Variants in CDKAL1 observed in about 807,000 individuals in gnomAD.
The protein encoded by CDKAL1 is threonylcarbamoyladenosine tRNA methylthiotransferase.
CDKAL1 carries 32 observed loss-of-function variants against 68.2 expected under a neutral mutation model. That is an observed-to-expected ratio of 0.47 (90% CI 0.35 to 0.63). The LOEUF (loss-of-function observed/expected upper bound fraction) is 0.63. Among genes scored for constraint, CDKAL1 ranks in the 30% least tolerant of loss-of-function variants. CDKAL1 has a pLI of 0.00. For missense variants in CDKAL1, 606 were observed against 696.7 expected (o/e 0.87, Z 1.47); for synonymous variants, 234 against 244.3 (o/e 0.96, Z 0.39).
At chr6:20,698,623 G>T (rs2127812414) in intron 5 of CDKAL1, among the ~76,000 whole-genome samples, 1 of 152,286 alleles carries the variant, frequency 6.6e-6, no homozygotes, top group African/African-American at 2.4e-5. Context: ...CATGTTGAGA[G>T]TTATGGACTT....
intron 10 of CDKAL1, among the ~76,000 whole-genome samples, chr6:20,999,683 A>G (rs867927173): frequency 7.4e-4 from 108 of 146,502 alleles, no homozygotes; most frequent in Admixed American, 4.0e-3. Context: ...AAAAAAAAAA[A>G]AAAAGAAAGA....
intron 8 of CDKAL1, among the ~76,000 whole-genome samples, chr6:20,790,953 G>A (rs879889721): frequency 1.3e-5 from 2 of 152,192 alleles, no homozygotes; most frequent in Admixed American, 6.5e-5. Flanking sequence ...ATAAGGAAAG[G>A]GTAGGTTAAA....
intron 13 of CDKAL1, among the ~76,000 whole-genome samples, chr6:21,133,290 CA>C (rs1214832358): frequency 6.6e-6 from 1 of 152,182 alleles, no homozygotes; most frequent in South Asian, 2.1e-4. Context: ...TCAGTACAAA[CA>C]TTATTAAAAT....
At chr6:20,777,690 T>C (rs1775232682) in intron 7 of CDKAL1, among the ~76,000 whole-genome samples, 1 of 152,164 alleles carries the variant, frequency 6.6e-6, no homozygotes, top group Non-Finnish European at 1.5e-5. Context: ...TAGCTTTACA[T>C]GAGTCTCCCC....
At chr6:21,101,209 A>T (rs1334620784) in intron 12 of CDKAL1, among the ~76,000 whole-genome samples, 1 of 152,188 alleles carries the variant, frequency 6.6e-6, no homozygotes, top group Non-Finnish European at 1.5e-5. Flanking sequence ...ACCGATCCAG[A>T]ATCATAGAGG....
intron 5 of CDKAL1, among the ~76,000 whole-genome samples, chr6:20,650,420 A>G (rs970213946): frequency 1.3e-5 from 2 of 151,500 alleles, no homozygotes; most frequent in African/African-American, 2.4e-5. Flanking sequence ...TTTTTTTCCT[A>G]TATATCTGTT....
At chr6:20,851,103 A>T (rs909919999) in intron 9 of CDKAL1, among the ~76,000 whole-genome samples, 1 of 151,852 alleles carries the variant, frequency 6.6e-6, no homozygotes, top group African/African-American at 2.4e-5. Flanking sequence ...AGACTGCTGC[A>T]TGTGAGTTTA....
intron 9 of CDKAL1, among the ~76,000 whole-genome samples, chr6:20,951,969 T>A (rs1764548729): frequency 6.8e-6 from 1 of 147,172 alleles, no homozygotes; most frequent in Non-Finnish European, 1.5e-5. Flanking sequence ...TTTTTTTTTT[T>A]TTTTTTTGAG....
At chr6:21,065,018 T>C (rs1376726265) in intron 11 of CDKAL1, 30 bp from the exon 12 acceptor site, 1 of 1,408,930 alleles carries the variant, frequency 7.1e-7, no homozygotes, top group Non-Finnish European at 9.6e-7. Flanking sequence ...TATAGTCAAG[T>C]TTTTACATTT....
chr6:21,037,736 G>A (rs574320167), intron 11 of CDKAL1, among the ~76,000 whole-genome samples: 118 of 152,296 alleles, frequency 7.7e-4, no homozygotes, highest in Non-Finnish European at 1.4e-3. Context: ...TTCAGCTCTA[G>A]ATTACAGTCA....
At chr6:20,696,304 T>C (rs1409234472) in intron 5 of CDKAL1, among the ~76,000 whole-genome samples, 1 of 152,206 alleles carries the variant, frequency 6.6e-6, no homozygotes, top group Non-Finnish European at 1.5e-5. Context: ...AGTTACCAAA[T>C]AGAATTTCGT....
intron 2 of CDKAL1, among the ~76,000 whole-genome samples, chr6:20,545,144 A>C (rs945284455): frequency 9.2e-5 from 14 of 151,852 alleles, no homozygotes; most frequent in African/African-American, 3.4e-4. Context: ...TGGGATCTTT[A>C]GTGAGCTGTA....
chr6:21,164,736 G>A (rs1777078930), intron 13 of CDKAL1, among the ~76,000 whole-genome samples: 2 of 152,104 alleles, frequency 1.3e-5, no homozygotes, highest in South Asian at 2.1e-4. Context: ...CAGGCTTCCC[G>A]CCTTTATAAA....
intron 5 of CDKAL1, among the ~76,000 whole-genome samples, chr6:20,651,940 G>T (rs1768789567): frequency 6.6e-6 from 1 of 152,184 alleles, no homozygotes; most frequent in South Asian, 2.1e-4. Context: ...TGTGCTGCTG[G>T]ATTCGGTTTG....
At chr6:21,077,347 G>T (rs114480482) in intron 12 of CDKAL1, among the ~76,000 whole-genome samples, 39 of 152,264 alleles carry the variant, frequency 2.6e-4, no homozygotes, top group Non-Finnish European at 5.1e-4. Context: ...GACCTAATAT[G>T]GTAGGCAGAG....
intron 15 of CDKAL1, among the ~76,000 whole-genome samples, chr6:21,226,879 A>AT (rs2151129173): frequency 6.6e-6 from 1 of 152,150 alleles, no homozygotes; most frequent in East Asian, 1.9e-4. Context: ...CGCCTGGCTC[A>AT]TTTTTTGTAT....
intron 5 of CDKAL1, among the ~76,000 whole-genome samples, chr6:20,692,628 G>A (rs535753284): frequency 1.3e-5 from 2 of 152,168 alleles, no homozygotes; most frequent in South Asian, 4.2e-4. Context: ...TGATGGTGGG[G>A]AATATCAGCT....
chr6:20,875,399 G>A (rs1044543430), intron 9 of CDKAL1, among the ~76,000 whole-genome samples: 2 of 151,268 alleles, frequency 1.3e-5, no homozygotes, highest in Non-Finnish European at 2.9e-5. Flanking sequence ...TTGAAGAGAT[G>A]GTTACATATG....
intron 4 of CDKAL1, among the ~76,000 whole-genome samples, chr6:20,605,365 A>G (rs1766288859): frequency 6.6e-6 from 1 of 152,140 alleles, no homozygotes; most frequent in South Asian, 2.1e-4. Flanking sequence ...AATATCCTCG[A>G]GTTCTATGCT....
Sources: allele counts gnomAD v4.1 joint callset (sites outside exome capture counted in the v4.1 genomes callset), GRCh38; gene constraint gnomAD v4.1.1; transcripts MANE v1.5; gene names NCBI Gene and HGNC (gene_info 2026-07-23, HGNC 2026-07-21).